Variants in INPP5B observed in about 807,000 individuals in gnomAD.
INPP5B encodes type II inositol 1,4,5-trisphosphate 5-phosphatase.
A neutral mutation model predicts 118.5 loss-of-function variants in INPP5B; 90 were observed. The ratio of observed to expected loss-of-function variants is 0.76; its 90% CI spans 0.64 to 0.90. The LOEUF is 0.90. Ranked by LOEUF, INPP5B falls within the 40% of genes least tolerant of loss-of-function variation. The pLI is 0.00. For missense variants in INPP5B, 984 were observed against 1,125.6 expected, an observed-to-expected ratio of 0.87 and a Z score of 1.80; for synonymous variants, 385 against 418.9, an observed-to-expected ratio of 0.92 and a Z score of 0.99.
intron 7 of INPP5B, among the ~76,000 whole-genome samples, chr1:37,923,049 C>G (rs977962353): frequency 5.3e-5 from 8 of 152,134 alleles, no homozygotes; most frequent in Non-Finnish European, 1.0e-4. Flanking sequence ...GAGGGCAACA[C>G]AGAGATGCAG....
At chr1:37,937,703 G>A (rs1486587228) in intron 6 of INPP5B, among the ~76,000 whole-genome samples, 3 of 151,938 alleles carry the variant, frequency 2.0e-5, no homozygotes, top group Non-Finnish European at 4.4e-5. Context: ...GGAGGCAGAA[G>A]TTGCAGTAAG....
rs180687953 is a variant in INPP5B at position 37,871,626 on chromosome 1, G to A, written c.2187+1304C>T. ...CTATTAAAAATACAAAAATTGGCTG[G>A]GTGCAGTGGCTCACGCCTGTAATCC... On this transcript the variant is annotated intron_variant, in intron 19 of 23. Transcript: ENST00000373024. Among the ~76,000 whole-genome samples, 22 of 151,918 alleles carry A rather than the reference G, an allele frequency of 1.4e-4. No individual in the cohort carries two copies. In the East Asian group the frequency reaches 1.8e-3, roughly 12 times the overall value.
In INPP5B at chr1:37,875,695, G is replaced by A. The variant is rs1442206676; in HGVS notation, c.1699C>T (p.Leu567Phe). 1.9e-6 allele frequency: 3 copies of A among 1,613,808 alleles called. No homozygotes were observed. The African/African-American group carries it at 4.0e-5, about 22-fold the overall frequency. ...ATTTCCTCCAGTGTCTTCCGGTAAA[G>A]CTCGTCATTTACGACCCTCACCTGA... The part of the protein sequence containing the change: ...DIGVRVVNDE[L>F]YRKTLEEIVR... Residue 567 changes from leucine to phenylalanine, a missense_variant, in exon 17 of 24, where the codon CTT becomes TTT. Around this residue, in one of 2 missense-constraint regions of INPP5B, gnomAD observed 634 missense variants for 791.0 expected, o/e 0.80. Transcript: ENST00000373024.
chr1:37,944,226 C>A (rs963823390), intron 3 of INPP5B, among the ~76,000 whole-genome samples: 9 of 152,122 alleles, frequency 5.9e-5, no homozygotes, highest in African/African-American at 2.4e-5. Flanking sequence ...TCTCCCTGAA[C>A]CTGTTTCCCA....
intron 7 of INPP5B, among the ~76,000 whole-genome samples, chr1:37,896,346 C>T (rs1256488578): frequency 1.3e-5 from 2 of 150,696 alleles, no homozygotes; most frequent in East Asian, 2.0e-4. Context: ...GTGAGGAGCC[C>T]CTCCGCCCGG....
intron 7 of INPP5B, among the ~76,000 whole-genome samples, chr1:37,903,868 A>C (rs991811046): frequency 1.3e-5 from 2 of 152,204 alleles, no homozygotes; most frequent in Non-Finnish European, 2.9e-5. Flanking sequence ...TGACGGAGCA[A>C]GATTCTGTCC....
intron 7 of INPP5B, among the ~76,000 whole-genome samples, chr1:37,891,853 T>C (rs1643863317): frequency 6.6e-6 from 1 of 152,146 alleles, no homozygotes; most frequent in Non-Finnish European, 1.5e-5. Context: ...CTTCGGAAAT[T>C]GTAGTCTAGG....
chr1:37,891,227 CAAA>C (rs71656437), intron 8 of INPP5B, 128 bp downstream of exon 8: 1,064 of 428,574 alleles, frequency 2.5e-3, no homozygotes, highest in South Asian at 5.6e-3. Context: ...AACTCTGTCT[CAAA>C]AAAAAAAAAA....
chr1:37,880,263 A>T, intron 14 of INPP5B, 69 bp from the exon 15 acceptor site: 1 of 1,145,710 alleles, frequency 8.7e-7, no homozygotes, highest in Non-Finnish European at 1.3e-6. Context: ...AGTGGAGAAA[A>T]GCATATCAAT....
intron 7 of INPP5B, among the ~76,000 whole-genome samples, chr1:37,916,412 T>C (rs1165391626): frequency 1.1e-3 from 4 of 3,516 alleles, no homozygotes; most frequent in South Asian, 0.083. Flanking sequence ...TTTTCTTTCA[T>C]TTTTTTTTTT....
chr1:37,888,199 T>C, intron 10 of INPP5B, 44 bp downstream of exon 10: 1 of 1,235,290 alleles, frequency 8.1e-7, no homozygotes, highest in Non-Finnish European at 1.1e-6. Context: ...ACCACAGCTC[T>C]GTGTGCTTGA....
chr1:37,870,738 C>G (rs1642363410), intron 19 of INPP5B: 2 of 152,278 alleles, frequency 1.3e-5, no homozygotes, highest in Non-Finnish European at 2.9e-5. Context: ...AAATAAATTT[C>G]TGTTGTTGAT....
chr1:37,940,443 C>T (rs1645869082), intron 6 of INPP5B, among the ~76,000 whole-genome samples: 1 of 152,198 alleles, frequency 6.6e-6, no homozygotes, highest in African/African-American at 2.4e-5. Flanking sequence ...TCCTGTGCAA[C>T]CCTGCCCAGA....
rs111388059 is a variant in INPP5B, at chr1:37,860,857, C to T, written c.*1458G>A. ...TTTTATTTTTAGAGACGGGGTCTCCCTCTCTCACCCGGGCTGGCGTACAGT... is the reference window on the plus strand; with the variant it reads ...TTTTATTTTTAGAGACGGGGTCTCCTTCTCTCACCCGGGCTGGCGTACAGT... On this transcript the variant is annotated 3_prime_UTR_variant, in exon 24 of 24. Coordinates refer to ENST00000373024, the MANE Select transcript of INPP5B (RefSeq NM_005540.3). 1.3e-5 allele frequency: 2 copies of T among 152,336 alleles called. No individual in the cohort carries two copies. Among genetic ancestry groups the T allele is most frequent in the South Asian group, 2.1e-4 (1 of 4,828 alleles). 9.4% of individuals were successfully genotyped at this position (152,336 alleles called of 1,614,324 possible).
chr1:37,863,020 T>A (rs561214865), intron 23 of INPP5B, among the ~76,000 whole-genome samples: 2 of 152,222 alleles, frequency 1.3e-5, no homozygotes, highest in Non-Finnish European at 2.9e-5. Context: ...CCACCCCGTG[T>A]CCCCAGTGGG....
Position 37,875,606 on chromosome 1 carries a change from C to T in INPP5B, c.1788G>A (p.Glu596=). The T allele has an allele frequency of 6.2e-7, 1 of 1,610,594 alleles. No homozygotes were observed. Residue 596 remains glutamate, a splice_region_variant and synonymous_variant, in exon 17 of 24, where the codon GAG becomes GAA. Coordinates refer to ENST00000373024, the MANE Select transcript of INPP5B (RefSeq NM_005540.3). ...AATATTCTTAACATGTCCTTCCTAC[C>T]TCTCGCTTGGACAGGGACACAGAAG... The part of the protein sequence containing the change: ...NIPSVSLSKR[E]FCFQNVKYMQ...
intron 7 of INPP5B, among the ~76,000 whole-genome samples, chr1:37,904,948 T>C (rs768704686): frequency 6.6e-6 from 1 of 152,148 alleles, no homozygotes; most frequent in African/African-American, 2.4e-5. Flanking sequence ...GGCATTAAAG[T>C]TGGATAGATT....
In INPP5B at chr1:37,865,796, A is replaced by G. The variant is rs752616092; in HGVS notation, c.2479T>C (p.Leu827=). Residue 827 remains leucine (L), a synonymous_variant, in exon 22 of 24, where the codon TTG becomes CTG. Transcript: ENST00000373024. ...VICYSTYHNC[L]ECSGNYTASK... Reference sequence around the variant, plus strand: ...GCTGTGTAGTTGCCAGAACACTCCAAGCAGTTATGGTAGGTGCTGTAACAG... The same window carrying G: ...GCTGTGTAGTTGCCAGAACACTCCAGGCAGTTATGGTAGGTGCTGTAACAG... 2.5e-6 allele frequency: 4 copies of G among 1,613,586 alleles called. No individual in the cohort carries two copies. The highest frequency in any genetic ancestry group is 1.7e-5 in the Admixed American group (1 of 59,984).
intron 7 of INPP5B, among the ~76,000 whole-genome samples, chr1:37,896,742 G>C (rs369381340): frequency 1.0e-4 from 10 of 95,320 alleles, no homozygotes; most frequent in South Asian, 3.9e-4. Context: ...TCAGCCCCCC[G>C]CCCGGCCAGC....
Sources: gnomAD v4.1 joint callset for allele counts (sites outside exome capture counted in the v4.1 genomes callset) on GRCh38, gnomAD v4.1.1 for gene constraint, gnomAD v4.1.1 regional missense constraint, MANE v1.5 for transcripts, NCBI Gene and HGNC (gene_info 2026-07-23, HGNC 2026-07-21) for gene names.